The following CNTNAP2 variants were observed in gnomAD, a reference collection of about 807,000 sequenced individuals.
CNTNAP2 encodes contactin-associated protein-like 2.
Under a neutral mutation model 155.2 loss-of-function variants are expected in CNTNAP2, and 98 were observed. That is an observed-to-expected ratio of 0.63 (90% CI 0.54 to 0.75). The LOEUF is 0.75. Ranked by LOEUF, CNTNAP2 falls within the 30% of genes least tolerant of loss-of-function variation. The pLI is 0.00. For missense variants in CNTNAP2, 1,727 were observed against 1,688.1 expected (o/e 1.02, Z -0.40); for synonymous variants, 651 against 631.2 (o/e 1.03, Z -0.47).
intron 16 of CNTNAP2, among the ~76,000 whole-genome samples, chr7:148,133,334 C>T (rs1391658838): frequency 2.6e-5 from 4 of 151,988 alleles, no homozygotes; most frequent in Non-Finnish European, 5.9e-5. Context: ...TGGTGGCGTG[C>T]GCCTGTAACC....
intron 1 of CNTNAP2, among the ~76,000 whole-genome samples, chr7:146,340,284 TTG>T (rs1243439598): frequency 3.3e-4 from 38 of 115,250 alleles, no homozygotes; most frequent in African/African-American, 1.8e-3. Flanking sequence ...GTTGTTGTTG[TTG>T]TTTTTTTTTT....
At chr7:146,508,975 G>A (rs551602615) in intron 1 of CNTNAP2, among the ~76,000 whole-genome samples, 2 of 152,166 alleles carry the variant, frequency 1.3e-5, no homozygotes, top group East Asian at 1.9e-4. Flanking sequence ...CTGCTTCCCC[G>A]AGGGCTGCCA....
At chr7:147,840,766 G>A (rs1401881050) in intron 13 of CNTNAP2, among the ~76,000 whole-genome samples, 5 of 152,148 alleles carry the variant, frequency 3.3e-5, no homozygotes, top group African/African-American at 1.2e-4. Flanking sequence ...AGGGAAGATA[G>A]AAAGGTACTC....
At chr7:146,885,406 G>T (rs1439093382) in intron 3 of CNTNAP2, among the ~76,000 whole-genome samples, 1 of 152,082 alleles carries the variant, frequency 6.6e-6, no homozygotes, top group Non-Finnish European at 1.5e-5. Context: ...TGTCACATGG[G>T]TAATTAACTT....
rs147300009 is a variant in CNTNAP2 at position 147,120,611 on chromosome 7, A to G, written c.755-368A>G. ...TTTACTATTACATTTTATTTTATTT[A>G]TTTATTTATTTTTCTTTTTTTTCAT... On this transcript the variant is annotated intron_variant, in intron 5 of 23. Coordinates refer to ENST00000361727, the MANE Select transcript of CNTNAP2 (RefSeq NM_014141.6). Among the ~76,000 whole-genome samples the G allele has an allele frequency of 2.9e-3, 433 of 151,726 alleles. 2 individuals carry two copies. The highest frequency in any genetic ancestry group is 9.9e-3 in the African/African-American group (409 of 41,380).
chr7:146,474,510 A>T (rs990346215), intron 1 of CNTNAP2, among the ~76,000 whole-genome samples: 2 of 151,156 alleles, frequency 1.3e-5, no homozygotes, highest in East Asian at 2.0e-4. Context: ...ACATGATTTG[A>T]GCTTTAGCAT....
chr7:148,184,154 C>A (rs1443373562), intron 18 of CNTNAP2, among the ~76,000 whole-genome samples: 1 of 152,018 alleles, frequency 6.6e-6, no homozygotes, highest in Non-Finnish European at 1.5e-5. Flanking sequence ...ATATGTAAAC[C>A]AGGCACGGTG....
chr7:147,716,004 T>C (rs976191139), intron 13 of CNTNAP2, among the ~76,000 whole-genome samples: 1 of 152,174 alleles, frequency 6.6e-6, no homozygotes, highest in Non-Finnish European at 1.5e-5. Flanking sequence ...TTAAGAAAAC[T>C]AATTGGGTAT....
Position 146,554,909 on chromosome 7 carries a change from C to A in CNTNAP2, c.98-219362C>A, listed in dbSNP as rs190540620. Among the ~76,000 whole-genome samples the A allele has an allele frequency of 1.2e-3, 186 of 152,282 alleles. 1 individual carries two copies. The highest frequency in any genetic ancestry group is 4.0e-3 in the African/African-American group (166 of 41,552). On this transcript the variant is annotated intron_variant, in intron 1 of 23. Transcript: ENST00000361727. ...TTGAGTGTCCATAAGTTGCATTTCA[C>A]CTCCTTTTTTCTCACTGAACCTCAT...
chr7:146,585,132 T>C (rs893682807), intron 1 of CNTNAP2, among the ~76,000 whole-genome samples: 10 of 152,108 alleles, frequency 6.6e-5, no homozygotes, highest in African/African-American at 2.4e-4. Flanking sequence ...TGTTTTGTTT[T>C]GTTTTGTTTT....
chr7:147,515,192 T>A (rs1434568532), intron 11 of CNTNAP2, among the ~76,000 whole-genome samples: 2 of 152,074 alleles, frequency 1.3e-5, no homozygotes, highest in Admixed American at 1.3e-4. Flanking sequence ...ATCAACTCCA[T>A]CCAGTCATTG....
At chr7:147,904,553 A>G (rs1799926512) in intron 14 of CNTNAP2, among the ~76,000 whole-genome samples, 1 of 152,204 alleles carries the variant, frequency 6.6e-6, no homozygotes, top group Admixed American at 6.5e-5. Flanking sequence ...AGTCATGGTC[A>G]TGAATTTCCC....
intron 10 of CNTNAP2, among the ~76,000 whole-genome samples, chr7:147,437,367 G>A (rs1584947880): frequency 6.6e-6 from 1 of 152,118 alleles, no homozygotes; most frequent in East Asian, 1.9e-4. Context: ...TTAACCATAT[G>A]GGCCAAATGA....
At chr7:147,084,076 CATA>C (rs1800214661) in intron 4 of CNTNAP2, among the ~76,000 whole-genome samples, 1 of 90,730 alleles carries the variant, frequency 1.1e-5, no homozygotes, top group South Asian at 4.0e-4. Flanking sequence ...TACATATATG[CATA>C]ATGCTATATA....
At chr7:146,661,090 A>G (rs1387263797) in intron 1 of CNTNAP2, among the ~76,000 whole-genome samples, 1 of 152,178 alleles carries the variant, frequency 6.6e-6, no homozygotes, top group Non-Finnish European at 1.5e-5. Context: ...GCATTTTTCC[A>G]GAGGCATTAA....
intron 19 of CNTNAP2, among the ~76,000 whole-genome samples, chr7:148,228,611 C>A (rs2116776858): frequency 6.6e-6 from 1 of 151,904 alleles, no homozygotes; most frequent in Admixed American, 6.6e-5. Context: ...ATGACGAGGT[C>A]CGGAGATCGA....
chr7:146,970,413 C>T (rs1436447238), intron 3 of CNTNAP2, among the ~76,000 whole-genome samples: 1 of 152,140 alleles, frequency 6.6e-6, no homozygotes. Flanking sequence ...CATGAACAGA[C>T]ACTTCTCAAA....
chr7:147,986,352 G>A (rs377016096), intron 15 of CNTNAP2, among the ~76,000 whole-genome samples: 16 of 152,306 alleles, frequency 1.1e-4, no homozygotes, highest in East Asian at 1.9e-4. Context: ...AATGGGTAAC[G>A]TTTGATCATT....
rs140628367 is a variant in CNTNAP2 at position 148,086,609 on chromosome 7, G to A, written c.2384-31509G>A. 2.9e-3 allele frequency among the ~76,000 whole-genome samples: 438 copies of A among 152,128 alleles called. 2 individuals carry two copies. Among genetic ancestry groups the A allele is most frequent in the Admixed American group, 4.3e-3 (65 of 15,294 alleles). On this transcript the variant is annotated intron_variant, in intron 15 of 23. Transcript: ENST00000361727. ...AATATAGTGAATGTGACCCTTGTCC[G>A]GACTCACATTTTTCTTCTTAGTCTT...
Sources: allele counts gnomAD v4.1 joint callset (sites outside exome capture counted in the v4.1 genomes callset), GRCh38; gene constraint gnomAD v4.1.1; transcripts MANE v1.5; gene names NCBI Gene and HGNC (gene_info 2026-07-23, HGNC 2026-07-21).